Variants in SKA2 observed in about 807,000 individuals in gnomAD.
SKA2 encodes the protein spindle and kinetochore associated complex subunit 2.
Under a neutral mutation model 16.9 loss-of-function variants are expected in SKA2, and 13 were observed. That is an observed-to-expected ratio of 0.77 (90% CI 0.50 to 1.22). The LOEUF is 1.22. Ranked by LOEUF, SKA2 falls within the 50% of genes most tolerant of loss-of-function variation. The pLI, the probability that SKA2 is intolerant of heterozygous loss-of-function variation, is 0.00. For synonymous variants in SKA2, 47 were observed against 48.5 expected, an observed-to-expected ratio of 0.97 and a Z score of 0.13; for missense variants, 107 against 139.7, an observed-to-expected ratio of 0.77 and a Z score of 1.18.
chr17:59,128,335 C>T (rs2046385599), intron 2 of SKA2, among the ~76,000 whole-genome samples: 1 of 151,670 alleles, frequency 6.6e-6, no homozygotes, highest in Non-Finnish European at 1.5e-5. Context: ...TTAGAAACAT[C>T]CTAAGTGGGC....
At chr17:59,144,574 T>A (rs891543785) in intron 1 of SKA2, among the ~76,000 whole-genome samples, 1 of 152,178 alleles carries the variant, frequency 6.6e-6, no homozygotes, top group Non-Finnish European at 1.5e-5. Context: ...GGAATCTTAT[T>A]CCGCCTTAAA....
intron 1 of SKA2, among the ~76,000 whole-genome samples, chr17:59,140,663 T>G (rs2046481107): frequency 6.6e-6 from 1 of 151,486 alleles, no homozygotes; most frequent in Admixed American, 6.6e-5. Flanking sequence ...CAGGCTGGTG[T>G]GTAGGGGTGC....
chr17:59,145,784 T>C (rs773975802), intron 1 of SKA2, among the ~76,000 whole-genome samples: 32 of 151,404 alleles, frequency 2.1e-4, no homozygotes, highest in African/African-American at 7.0e-4. Flanking sequence ...AGTCCAGGAG[T>C]TGGAGACCAG....
chr17:59,114,600 C>G (rs1268927539), intron 3 of SKA2, among the ~76,000 whole-genome samples: 1 of 152,078 alleles, frequency 6.6e-6, no homozygotes, highest in Non-Finnish European at 1.5e-5. Context: ...TTGACCAAAA[C>G]GTCATTATGC....
chr17:59,136,790 G>A (rs924386092), intron 1 of SKA2, among the ~76,000 whole-genome samples: 95 of 151,896 alleles, frequency 6.3e-4, no homozygotes, highest in African/African-American at 2.1e-3. Context: ...CTTGTGATCC[G>A]CCCTCCTCGG....
chr17:59,118,131 T>A (rs1237709616), intron 3 of SKA2: 2 of 152,220 alleles, frequency 1.3e-5, no homozygotes, highest in Admixed American at 1.3e-4. Context: ...CTGGGCATTG[T>A]GGCAGGCGCT....
intron 1 of SKA2, 90 bp downstream of exon 1, chr17:59,155,041 G>GA (rs2046612906): frequency 6.2e-7 from 1 of 1,613,888 alleles, no homozygotes; most frequent in African/African-American, 1.3e-5. Flanking sequence ...CCGCCGCCCG[G>GA]AGTTTCCGGC....
chr17:59,133,509 T>G (rs768289284), intron 1 of SKA2, among the ~76,000 whole-genome samples: 31 of 152,136 alleles, frequency 2.0e-4, no homozygotes, highest in South Asian at 4.1e-4. Context: ...ATCACTGAAC[T>G]AAAGATTGAT....
chr17:59,154,856 G>C, intron 1 of SKA2: 1 of 1,279,994 alleles, frequency 7.8e-7, no homozygotes, highest in Non-Finnish European at 1.1e-6. Flanking sequence ...TTTCGTAAGG[G>C]GTGTAAAGGT....
At chr17:59,142,942 A>C (rs1236716814) in intron 1 of SKA2, among the ~76,000 whole-genome samples, 1 of 151,034 alleles carries the variant, frequency 6.6e-6, no homozygotes, top group Non-Finnish European at 1.5e-5. Context: ...AAAAAAAAAA[A>C]AAAAAAAGAG....
intron 2 of SKA2, among the ~76,000 whole-genome samples, chr17:59,123,242 T>A (rs1359161302): frequency 0.037 from 23 of 614 alleles, no homozygotes; most frequent in East Asian, 0.085. Context: ...TACAAAATTC[T>A]TTTTTTTTTT....
intron 1 of SKA2, among the ~76,000 whole-genome samples, chr17:59,141,491 C>T (rs926217054): frequency 7.9e-5 from 12 of 151,866 alleles, no homozygotes; most frequent in African/African-American, 2.2e-4. Context: ...TTGGGGAGGC[C>T]GAGGCAGGTA....
chr17:59,150,337 G>T (rs927362780), intron 1 of SKA2, among the ~76,000 whole-genome samples: 1 of 152,122 alleles, frequency 6.6e-6, no homozygotes, highest in Non-Finnish European at 1.5e-5. Flanking sequence ...TTTTTTAAAA[G>T]TGATGAATCC....
intron 2 of SKA2, among the ~76,000 whole-genome samples, chr17:59,121,841 A>C (rs1158654010): frequency 8.9e-5 from 13 of 146,870 alleles, no homozygotes. Flanking sequence ...GCGTGTCGGC[A>C]TGCGCCTGTA....
chr17:59,154,172 GA>G lies in SKA2; in HGVS notation c.33+958del, dbSNP rs111310705. 9.9e-3 allele frequency among the ~76,000 whole-genome samples: 1,139 copies of G among 114,842 alleles called. 5 individuals carry two copies. The highest frequency in any genetic ancestry group is 0.012 in the African/African-American group (365 of 31,056). 75.3% of individuals were successfully genotyped at this position (114,842 alleles called of 152,430 possible). On this transcript the variant is annotated intron_variant, in intron 1 of 3. Coordinates refer to ENST00000330137, the MANE Select transcript of SKA2 (RefSeq NM_182620.4). ...TTTTAAGGAAAGCAGCCCAACCTGGGAAAAAAAAAAAAAAAGAAAAGAAAAG... is the reference window on the plus strand; with the variant it reads ...TTTTAAGGAAAGCAGCCCAACCTGGGAAAAAAAAAAAAAAGAAAAGAAAAG...
At chr17:59,154,169 T>TG (rs1168786521) in intron 1 of SKA2, among the ~76,000 whole-genome samples, 14 of 90,538 alleles carry the variant, frequency 1.5e-4, no homozygotes, top group Middle Eastern at 6.2e-3. Flanking sequence ...CAGCCCAACC[T>TG]GGGAAAAAAA....
At position 59,110,453 on chromosome 17, in the gene SKA2, A is replaced by T. The variant is rs1163316128; in HGVS notation, c.*1824T>A. 1 of 152,142 alleles carries T rather than the reference A, an allele frequency of 6.6e-6. No individual in the cohort carries two copies. The highest frequency in any genetic ancestry group is 2.4e-5 in the African/African-American group (1 of 41,430). The allele number at this position is 152,142 out of a possible 1,614,324, so 9.4% of individuals were successfully genotyped here. ...TAAATACTAATTGCCTGAACACTGA[A>T]GAAAATTAATATCTGATACTAAGGT... On this transcript the variant is annotated 3_prime_UTR_variant, in exon 4 of 4. Transcript: ENST00000330137.
intron 1 of SKA2, among the ~76,000 whole-genome samples, 178 bp from the exon 2 acceptor site, chr17:59,131,545 G>C (rs1403021996): frequency 1.3e-5 from 2 of 152,062 alleles, no homozygotes; most frequent in African/African-American, 2.4e-5. Context: ...TATGCTCTAT[G>C]AAAAATTTAA....
rs547328043 is a variant in SKA2 at position 59,131,938 on chromosome 17, C to A, written c.34-571G>T. ...TCTGAATAACCCCAATTTACTGAAC[C>A]TGGGTGCCAGCATGGGAACTTGATC... On this transcript the variant is annotated intron_variant, in intron 1 of 3. Coordinates refer to ENST00000330137, the MANE Select transcript of SKA2 (RefSeq NM_182620.4). 2.6e-5 allele frequency among the ~76,000 whole-genome samples: 4 copies of A among 152,250 alleles called. No individual in the cohort carries two copies. In the South Asian group the frequency reaches 8.3e-4, roughly 32 times the overall value.
Sources: allele counts gnomAD v4.1 joint callset (sites outside exome capture counted in the v4.1 genomes callset), GRCh38; gene constraint gnomAD v4.1.1; transcripts MANE v1.5; gene names NCBI Gene and HGNC (gene_info 2026-07-23, HGNC 2026-07-21).